The following PCDH15 variants were observed in gnomAD, a reference collection of about 807,000 sequenced individuals.
PCDH15 encodes the protein protocadherin related 15.
In PCDH15, 129 loss-of-function variants were observed where a neutral mutation model predicts 178.5. The ratio of observed to expected loss-of-function variants is 0.72; its 90% CI spans 0.63 to 0.84. PCDH15 has a LOEUF of 0.84. PCDH15 is among the 40% of genes least tolerant of loss of function. The pLI is 0.00. For synonymous variants in PCDH15, 800 were observed against 732.0 expected (o/e 1.09, Z -1.50); for missense variants, 2,230 against 2,099.9 (o/e 1.06, Z -1.21).
intron 1 of PCDH15, among the ~76,000 whole-genome samples, chr10:54,788,268 T>A (rs1279873039): frequency 6.6e-6 from 1 of 151,896 alleles, no homozygotes; most frequent in Non-Finnish European, 1.5e-5. Context: ...GAAATAAGAT[T>A]ATAATGAAGA....
At chr10:55,099,466 TATATA>T (rs1842526679) in intron 2 of PCDH15, among the ~76,000 whole-genome samples, 2 of 152,166 alleles carry the variant, frequency 1.3e-5, no homozygotes, top group South Asian at 4.1e-4. Context: ...GAATTATAAT[TATATA>T]ATATGTCTCA....
chr10:55,282,042 C>T (rs1167453931), intron 1 of PCDH15, among the ~76,000 whole-genome samples: 1 of 152,148 alleles, frequency 6.6e-6, no homozygotes, highest in African/African-American at 2.4e-5. Flanking sequence ...TAACCCTTTT[C>T]CCCAGCGCCA....
chr10:54,195,560 C>G (rs781409323), intron 11 of PCDH15, 123 bp downstream of exon 11: 7 of 796,552 alleles, frequency 8.8e-6, no homozygotes, highest in South Asian at 8.4e-5. Context: ...AACACTAAAA[C>G]TCACTTACAG....
chr10:55,133,539 T>C (rs1838109552), intron 2 of PCDH15, among the ~76,000 whole-genome samples: 1 of 152,154 alleles, frequency 6.6e-6, no homozygotes, highest in Non-Finnish European at 1.5e-5. Context: ...CTGTGGCTGA[T>C]GAACCTCTAT....
At chr10:53,988,601 G>A (rs2091265665) in intron 21 of PCDH15, among the ~76,000 whole-genome samples, 1 of 152,122 alleles carries the variant, frequency 6.6e-6, no homozygotes, top group South Asian at 2.1e-4. Flanking sequence ...TTTAGAGGGT[G>A]TTAAGGCCAA....
intron 27 of PCDH15, among the ~76,000 whole-genome samples, chr10:53,866,433 C>T (rs142400975): frequency 3.1e-4 from 39 of 125,258 alleles, no homozygotes; most frequent in East Asian, 1.9e-3. Flanking sequence ...AAACACCTTA[C>T]GGTGTTTTTG....
At chr10:55,121,730 C>T (rs983203046) in intron 2 of PCDH15, among the ~76,000 whole-genome samples, 1 of 152,030 alleles carries the variant, frequency 6.6e-6, no homozygotes, top group African/African-American at 2.4e-5. Context: ...TGCCCTTTTA[C>T]CCTTCTGTCC....
At chr10:54,863,906 T>C (rs1564581145) in intron 3 of PCDH15, among the ~76,000 whole-genome samples, 1 of 152,292 alleles carries the variant, frequency 6.6e-6, no homozygotes, top group East Asian at 1.9e-4. Context: ...ATATCAAAAA[T>C]GTAGCAGTAA....
chr10:54,079,362 A>C lies in PCDH15; in HGVS notation c.2060T>G (p.Ile687Ser), dbSNP rs1323059801. Residue 687 changes from isoleucine to serine, a missense_variant, in exon 17 of 38, where the codon ATC (isoleucine) becomes AGC (serine). Physicochemically the swap from Ile to Ser is moderately radical, Grantham distance 142. Transcript: ENST00000644397. ...TGGCCTGCCATCTGAAGCTGTGATG[A>C]TCAGAATGTAGCGATCAGTGCTTTC... ...DRESTDRYIL[I>S]ITASDGRPDG... is the part of the protein sequence containing the mutation. 1.2e-6 allele frequency: 2 copies of C among 1,614,018 alleles called. No individual in the cohort carries two copies. Among genetic ancestry groups the C allele is most frequent in the African/African-American group, 2.7e-5 (2 of 74,934 alleles).
chr10:54,759,622 C>A (rs1025035584), intron 1 of PCDH15, among the ~76,000 whole-genome samples: 3 of 152,096 alleles, frequency 2.0e-5, no homozygotes, highest in Non-Finnish European at 4.4e-5. Flanking sequence ...ATTTGTCTTT[C>A]GGCAGCGTAT....
At chr10:55,282,245 C>G (rs1842753492) in intron 1 of PCDH15, among the ~76,000 whole-genome samples, 1 of 152,180 alleles carries the variant, frequency 6.6e-6, no homozygotes, top group Non-Finnish European at 1.5e-5. Context: ...CCAGACTCTT[C>G]CACACACTAA....
rs376097974 is a variant in PCDH15 at position 54,435,129 on chromosome 10, A to G, written c.158-56187T>C. On this transcript the variant is annotated intron_variant, in intron 3 of 37. Transcript: ENST00000644397. ...ATTACAATCTTTACCATAGACTACA[A>G]ATCCCTGAGTAGTTATGTGATTTCC... Among the ~76,000 whole-genome samples the G allele has an allele frequency of 1.6e-4, 25 of 152,252 alleles. No homozygotes were observed. In the South Asian group the frequency reaches 5.2e-3, roughly 32 times the overall value.
chr10:54,854,284 G>C (rs541564942), intron 3 of PCDH15, among the ~76,000 whole-genome samples: 17 of 152,248 alleles, frequency 1.1e-4, no homozygotes, highest in African/African-American at 4.1e-4. Flanking sequence ...CCCTGACTCA[G>C]GGGGCTCCCA....
intron 2 of PCDH15, among the ~76,000 whole-genome samples, chr10:55,487,154 T>C (rs1303577588): frequency 3.3e-5 from 5 of 151,690 alleles, no homozygotes; most frequent in Non-Finnish European, 7.4e-5. Flanking sequence ...ACATTTATGA[T>C]TACATTGTTT....
At chr10:54,066,676 GTTTCT>G (rs2094142046) in intron 18 of PCDH15, 76 bp downstream of exon 18, 27 of 1,428,410 alleles carry the variant, frequency 1.9e-5, no homozygotes, top group Admixed American at 1.7e-4. Flanking sequence ...CATTAGCTGA[GTTTCT>G]TTTGAGAATT....
At chr10:54,371,278 T>C (rs1443933296) in intron 4 of PCDH15, among the ~76,000 whole-genome samples, 2 of 151,828 alleles carry the variant, frequency 1.3e-5, no homozygotes, top group Non-Finnish European at 2.9e-5. Context: ...TTGTGAAATT[T>C]TGATAGCTAA....
chr10:54,104,126 C>G (rs1348508428), intron 15 of PCDH15, among the ~76,000 whole-genome samples: 1 of 152,158 alleles, frequency 6.6e-6, no homozygotes, highest in Non-Finnish European at 1.5e-5. Context: ...GAGGCCATCA[C>G]TGTTGCTTCA....
chr10:55,370,474 A>G (rs1845479844), intron 2 of PCDH15, among the ~76,000 whole-genome samples: 2 of 152,080 alleles, frequency 1.3e-5, no homozygotes, highest in Admixed American at 1.3e-4. Flanking sequence ...CTGAATTTAT[A>G]AGAACAAAAA....
chr10:55,084,187 T>C (rs1290531124), intron 2 of PCDH15, among the ~76,000 whole-genome samples: 6 of 151,776 alleles, frequency 4.0e-5, no homozygotes, highest in Admixed American at 3.3e-4. Flanking sequence ...CACAAAGCTA[T>C]TGTAAACAAA....
Sources: gnomAD v4.1 joint callset for allele counts (sites outside exome capture counted in the v4.1 genomes callset) on GRCh38, gnomAD v4.1.1 for gene constraint, MANE v1.5 for transcripts, NCBI Gene and HGNC (gene_info 2026-07-23, HGNC 2026-07-21) for gene names.